The following LRIG3 variants were observed in gnomAD, a reference collection of about 807,000 sequenced individuals.
LRIG3 encodes the protein leucine rich repeats and immunoglobulin like domains 3.
In LRIG3, 76 loss-of-function variants were observed where a neutral mutation model predicts 114.5. The observed-to-expected ratio is 0.66, with a 90% confidence interval of 0.55 to 0.80. The LOEUF is 0.80. Among genes scored for constraint, LRIG3 ranks in the 30% least tolerant of loss-of-function variants. LRIG3 has a pLI of 0.00. For synonymous variants in LRIG3, 512 were observed against 519.8 expected (o/e 0.98, Z 0.20); for missense variants, 1,239 against 1,382.8 (o/e 0.90, Z 1.65).
At chr12:58,881,235 C>T (rs867454498) in intron 12 of LRIG3, among the ~76,000 whole-genome samples, 28 of 152,096 alleles carry the variant, frequency 1.8e-4, no homozygotes, top group African/African-American at 5.8e-4. Context: ...TTAAAAACTT[C>T]CAGGCTCAGG....
At chr12:58,916,340 C>T (rs1210458809) in intron 1 of LRIG3, among the ~76,000 whole-genome samples, 1 of 151,962 alleles carries the variant, frequency 6.6e-6, no homozygotes, top group African/African-American at 2.4e-5. Flanking sequence ...GTTTTGTGTA[C>T]TATTAAAACT....
chr12:58,895,719 G>C (rs1046265034), intron 3 of LRIG3, among the ~76,000 whole-genome samples: 1 of 152,214 alleles, frequency 6.6e-6, no homozygotes, highest in Admixed American at 6.5e-5. Context: ...TCTGATGGCT[G>C]TGGGTGGAAA....
At chr12:58,897,572 C>T (rs938461345) in intron 3 of LRIG3, among the ~76,000 whole-genome samples, 2 of 152,238 alleles carry the variant, frequency 1.3e-5, no homozygotes, top group South Asian at 4.1e-4. Flanking sequence ...TTGCAAGACC[C>T]TGTCTCTTAA....
At chr12:58,919,491 G>A (rs1872595166) in intron 1 of LRIG3, 1 of 1,551,524 alleles carries the variant, frequency 6.4e-7, no homozygotes, top group African/African-American at 1.4e-5. Flanking sequence ...ATAACTTGGA[G>A]AATGACCGAA....
chr12:58,890,752 T>A lies in LRIG3; in HGVS notation c.428A>T (p.Glu143Val), dbSNP rs778207138. The change falls in exon 4 of 19, where the codon GAG becomes GTG. Residue 143 changes from glutamate (E) to valine (V), a missense_variant. By Grantham distance (121) the Glu-to-Val change is moderately radical. Transcript: ENST00000320743. ...IVEILPEHLKEFQSLETLDLS... is the reference protein window; with the variant it reads ...IVEILPEHLKVFQSLETLDLS... ...GTCCAAAGTTTCAAGGGACTGAAAC[T>A]CTTTCAGATGTTCAGGGAGTATTTC... 1 of 1,606,770 alleles carries A rather than the reference T, an allele frequency of 6.2e-7. No homozygotes were observed. Among genetic ancestry groups the A allele is most frequent in the Non-Finnish European group, 8.5e-7 (1 of 1,177,124 alleles).
At chr12:58,909,188 T>C (rs1435230577) in intron 3 of LRIG3, among the ~76,000 whole-genome samples, 2 of 152,224 alleles carry the variant, frequency 1.3e-5, no homozygotes, top group Non-Finnish European at 2.9e-5. Flanking sequence ...AATCCCCTTC[T>C]GATCACATCT....
intron 3 of LRIG3, among the ~76,000 whole-genome samples, chr12:58,897,466 C>T (rs534562530): frequency 1.1e-4 from 16 of 152,234 alleles, no homozygotes; most frequent in African/African-American, 3.6e-4. Flanking sequence ...AAATATGAGC[C>T]AAGCTCCACG....
intron 3 of LRIG3, among the ~76,000 whole-genome samples, chr12:58,892,421 G>T (rs910733406): frequency 2.6e-5 from 4 of 152,170 alleles, no homozygotes; most frequent in Non-Finnish European, 5.9e-5. Flanking sequence ...TATATCTTGT[G>T]TATTTTTTGC....
chr12:58,914,624 C>T, intron 1 of LRIG3: 1 of 314,752 alleles, frequency 3.2e-6, no homozygotes, highest in Non-Finnish European at 5.9e-6. Flanking sequence ...GGCAGGTCTG[C>T]TTCACCCTCC....
chr12:58,887,752 T>C, intron 8 of LRIG3, 37 bp downstream of exon 8: 1 of 1,601,838 alleles, frequency 6.2e-7, no homozygotes. Context: ...TAGGAACCAA[T>C]TACGTTCGAG....
intron 16 of LRIG3, 41 bp from the exon 17 acceptor site, chr12:58,874,614 G>A: frequency 1.2e-6 from 2 of 1,609,450 alleles, no homozygotes; most frequent in African/African-American, 1.3e-5. Context: ...AATTATTCAA[G>A]TGCCATTCAA....
In LRIG3 at chr12:58,880,483, GAGA is replaced by G. The variant is rs763473386; in HGVS notation, c.1801+95_1801+97del. ...AAGGAAGAGTCAGGTGGGGAACTGTGAGAAGAAAAGACAGGGTTAAGATTAAGA... is the reference window on the plus strand; with the variant it reads ...AAGGAAGAGTCAGGTGGGGAACTGTGAGAAAAGACAGGGTTAAGATTAAGA... On this transcript the variant is annotated intron_variant, in intron 13 of 18. Coordinates refer to ENST00000320743, the MANE Select transcript of LRIG3 (RefSeq NM_153377.5). 1.3e-5 allele frequency: 16 copies of G among 1,197,270 alleles called. No homozygotes were observed. In the South Asian group the frequency reaches 2.1e-4, roughly 16 times the overall value. The allele number at this position is 1,197,270 out of a possible 1,614,324, so 74.2% of individuals were successfully genotyped here.
In LRIG3 at chr12:58,878,971, CT is replaced by C. The variant is rs1393333466; in HGVS notation, c.1935del (p.Ala646LeufsTer9). On this transcript the variant is annotated frameshift_variant, in exon 14 of 19. Transcript: ENST00000320743. LOFTEE classifies it high-confidence loss of function. ...AWQKDGGTDF[P>X]AARERRMHVM... ...ACATGCATGCGTCTCTCCCGTGCAGCTGGGAAGTCTGTGCCCCCATCCTTCT... is the reference window on the plus strand; with the variant it reads ...ACATGCATGCGTCTCTCCCGTGCAGCGGGAAGTCTGTGCCCCCATCCTTCT... The C allele has an allele frequency of 6.2e-7, 1 of 1,614,082 alleles. No homozygotes were observed. The highest frequency in any genetic ancestry group is 8.5e-7 in the Non-Finnish European group (1 of 1,180,036).
At position 58,906,671 on chromosome 12, in the gene LRIG3, C is replaced by T. The variant is rs1346136212; in HGVS notation, c.383+7311G>A. ...ATTCATCATTCATAAGCCAACGCTCCTATGACTCCCACCTCGTGGCCAGTT... is the reference window on the plus strand; with the variant it reads ...ATTCATCATTCATAAGCCAACGCTCTTATGACTCCCACCTCGTGGCCAGTT... On this transcript the variant is annotated intron_variant, in intron 3 of 18. Coordinates refer to ENST00000320743, the MANE Select transcript of LRIG3 (RefSeq NM_153377.5). 3.3e-5 allele frequency among the ~76,000 whole-genome samples: 5 copies of T among 152,222 alleles called. No homozygotes were observed. In the Middle Eastern group the frequency reaches 0.014, roughly 414 times the overall value.
chr12:58,913,706 A>T (rs1195244320), intron 3 of LRIG3: 1 of 330,660 alleles, frequency 3.0e-6, no homozygotes, highest in Non-Finnish European at 5.4e-6. Context: ...TAAAATACAC[A>T]TTTCTATGGT....
chr12:58,892,915 G>A (rs1871504288), intron 3 of LRIG3, among the ~76,000 whole-genome samples: 2 of 152,184 alleles, frequency 1.3e-5, no homozygotes, highest in Non-Finnish European at 2.9e-5. Context: ...AATTTCTTAT[G>A]CAGATATGTA....
chr12:58,881,518 G>A (rs758147939), intron 12 of LRIG3, among the ~76,000 whole-genome samples: 4 of 151,546 alleles, frequency 2.6e-5, no homozygotes, highest in Non-Finnish European at 4.4e-5. Context: ...GCGGCCAATC[G>A]TGCCGCCGCG....
chr12:58,905,935 G>A (rs939690920), intron 3 of LRIG3, among the ~76,000 whole-genome samples: 9 of 152,140 alleles, frequency 5.9e-5, no homozygotes, highest in Non-Finnish European at 1.3e-4. Flanking sequence ...TTTCTGCATA[G>A]GTTTCAGGTA....
chr12:58,901,154 A>G (rs1185264963), intron 3 of LRIG3, among the ~76,000 whole-genome samples: 1 of 152,216 alleles, frequency 6.6e-6, no homozygotes, highest in Non-Finnish European at 1.5e-5. Context: ...TTAATCAAGC[A>G]TTTTTACAAG....
Sources: gnomAD v4.1 joint callset for allele counts (sites outside exome capture counted in the v4.1 genomes callset) on GRCh38, gnomAD v4.1.1 for gene constraint, MANE v1.5 for transcripts, NCBI Gene and HGNC (gene_info 2026-07-23, HGNC 2026-07-21) for gene names.